Variants in PCDH11X observed in about 807,000 individuals in gnomAD.
PCDH11X encodes protocadherin 11 X-linked, also known as protocadherin-11 X-linked.
Under a neutral mutation model 53.3 loss-of-function variants are expected in PCDH11X, and 18 were observed. The observed-to-expected ratio is 0.34, with a 90% confidence interval of 0.23 to 0.50. PCDH11X has a LOEUF of 0.50. Ranked by LOEUF, PCDH11X falls within the 20% of genes least tolerant of loss-of-function variation. The pLI is 0.98. For missense variants in PCDH11X, 570 were observed against 1,032.4 expected (o/e 0.55, Z 6.14); for synonymous variants, 279 against 393.3 (o/e 0.71, Z 3.44).
intron 8 of PCDH11X, among the ~76,000 whole-genome samples, chrX:92,382,922 A>G (rs910129710): frequency 9.1e-6 from 1 of 109,757 alleles, no homozygotes; most frequent in African/African-American, 3.3e-5. Flanking sequence ...ATACTGCACA[A>G]TAATTATCTT....
At chrX:92,128,642 G>A (rs1199145357) in intron 6 of PCDH11X, among the ~76,000 whole-genome samples, 2 of 109,921 alleles carry the variant, frequency 1.8e-5, no homozygotes, top group African/African-American at 6.7e-5. Flanking sequence ...CAGGTGATCT[G>A]TCTGCCTCGG....
intron 8 of PCDH11X, among the ~76,000 whole-genome samples, chrX:92,345,640 A>G (rs7053374): frequency 0.15 from 16,891 of 110,979 alleles, 1,037 homozygotes; most frequent in African/African-American, 0.22. Context: ...ATAATGTCAG[A>G]AGAAATCTCA....
In PCDH11X at chrX:92,274,233, C is replaced by T. The variant is rs899906025; in HGVS notation, c.3144+11090C>T. 3.6e-5 allele frequency among the ~76,000 whole-genome samples: 4 copies of T among 109,656 alleles called. No homozygotes were observed. In the Admixed American group the frequency reaches 3.9e-4, roughly 11 times the overall value. ...AAGCGAAAGTGGTAAAAGTATTGTCCAGTCCTCTTTAAGTTGGTGGCTGAG... is the reference window on the plus strand; with the variant it reads ...AAGCGAAAGTGGTAAAAGTATTGTCTAGTCCTCTTTAAGTTGGTGGCTGAG... On this transcript the variant is annotated intron_variant, in intron 8 of 10. Transcript: ENST00000682573.
intron 8 of PCDH11X, among the ~76,000 whole-genome samples, chrX:92,340,703 C>A (rs1241851939): frequency 8.9e-6 from 1 of 112,098 alleles, no homozygotes; most frequent in Non-Finnish European, 1.9e-5. Context: ...CACACAAAAC[C>A]ATTCTTTCCC....
chrX:91,808,255 G>A (rs1439007145), intron 1 of PCDH11X, among the ~76,000 whole-genome samples: 4 of 106,389 alleles, frequency 3.8e-5, no homozygotes, highest in Admixed American at 1.0e-4. Flanking sequence ...CCAGCACTTT[G>A]GGAGGCCAAG....
intron 4 of PCDH11X, among the ~76,000 whole-genome samples, chrX:91,813,189 A>G (rs1936344532): frequency 9.0e-6 from 1 of 111,588 alleles, no homozygotes; most frequent in Admixed American, 9.6e-5. Flanking sequence ...AAAATTGACG[A>G]GTAATGGAAT....
chrX:92,383,260 A>T (rs369835442), intron 8 of PCDH11X, among the ~76,000 whole-genome samples: 5 of 109,460 alleles, frequency 4.6e-5, no homozygotes, highest in East Asian at 5.7e-4. Flanking sequence ...CTTCAGTTTA[A>T]TGGTTATAAG....
intron 6 of PCDH11X, among the ~76,000 whole-genome samples, chrX:92,109,944 G>A (rs1490579622): frequency 1.8e-5 from 2 of 112,184 alleles, no homozygotes; most frequent in African/African-American, 3.2e-5. Context: ...TCAAGACTAG[G>A]AAGTTATTTT....
At chrX:92,548,648 G>T (rs2074901964) in intron 10 of PCDH11X, among the ~76,000 whole-genome samples, 1 of 109,735 alleles carries the variant, frequency 9.1e-6, no homozygotes, top group African/African-American at 3.3e-5. Context: ...TTTCCTTTCA[G>T]CCATTTTGCC....
In PCDH11X at chrX:92,540,663, C is replaced by A. The variant is rs181674000; in HGVS notation, c.3367+72341C>A. Among the ~76,000 whole-genome samples the A allele has an allele frequency of 5.9e-3, 628 of 106,253 alleles. 5 individuals are homozygous for A. The highest frequency in any genetic ancestry group is 0.02 in the African/African-American group (590 of 29,036). The allele number at this position is 106,253 out of a possible 115,157, so 92.3% of individuals were successfully genotyped here. A position where few individuals can be genotyped will look rare whatever the true frequency, so the allele number is the denominator to read the frequency against. ...GTAGCCAGCACCGCTGGGAATATGG[C>A]AGGTCACACTTGAAGTCAGTACATC... is the stretch of plus-strand genomic sequence containing the variant. On this transcript the variant is annotated intron_variant, in intron 10 of 10. Transcript: ENST00000682573.
At chrX:91,943,537 T>G (rs1051018801) in intron 6 of PCDH11X, among the ~76,000 whole-genome samples, 1 of 108,652 alleles carries the variant, frequency 9.2e-6, no homozygotes, top group Non-Finnish European at 1.9e-5. Flanking sequence ...TTGACAAAAT[T>G]TATCATCCGG....
chrX:91,885,704 T>C (rs1940166145), intron 6 of PCDH11X, among the ~76,000 whole-genome samples: 1 of 111,491 alleles, frequency 9.0e-6, no homozygotes, highest in African/African-American at 3.3e-5. Context: ...CTCCTTTGTA[T>C]ATATGAAGAT....
Position 91,822,904 on chromosome X carries a change from T to A in PCDH11X, c.-45+11609T>A, listed in dbSNP as rs892600486. Among the ~76,000 whole-genome samples the A allele has an allele frequency of 2.7e-5, 3 of 111,468 alleles. No homozygotes were observed. In the Admixed American group the frequency reaches 2.9e-4, roughly 11 times the overall value. ...GTTCTCATTGGTTTCAAAGAACATC[T>A]TTATTTCTGCCTTGATTTCGTTATG... On this transcript the variant is annotated intron_variant, in intron 4 of 10. Coordinates refer to ENST00000682573, the MANE Select transcript of PCDH11X (RefSeq NM_032968.5).
At chrX:92,500,628 G>T (rs2148694956) in intron 10 of PCDH11X, among the ~76,000 whole-genome samples, 1 of 109,007 alleles carries the variant, frequency 9.2e-6, no homozygotes, top group South Asian at 4.0e-4. Context: ...TGACTCTTGG[G>T]TAAATAATGA....
intron 8 of PCDH11X, among the ~76,000 whole-genome samples, chrX:92,309,792 A>G (rs1178274459): frequency 9.0e-6 from 1 of 111,711 alleles, no homozygotes; most frequent in Non-Finnish European, 1.9e-5. Flanking sequence ...CTAGTGGTGC[A>G]TCTCTCACTG....
At chrX:91,872,409 CTCT>C (rs989447642) in intron 5 of PCDH11X, among the ~76,000 whole-genome samples, 1 of 110,082 alleles carries the variant, frequency 9.1e-6, no homozygotes, top group African/African-American at 3.3e-5. Flanking sequence ...CCAAATTCTG[CTCT>C]TCTTTTATCT....
intron 10 of PCDH11X, among the ~76,000 whole-genome samples, chrX:92,548,198 T>C (rs968703837): frequency 1.8e-4 from 20 of 109,938 alleles, no homozygotes; most frequent in Admixed American, 1.5e-3. Context: ...TTTTGAGACA[T>C]GCTTTCAGTT....
chrX:91,972,962 C>T (rs939429538), intron 6 of PCDH11X, among the ~76,000 whole-genome samples: 1 of 110,854 alleles, frequency 9.0e-6, no homozygotes, highest in Non-Finnish European at 1.9e-5. Context: ...GACTATAAAT[C>T]ATGCTGCTAT....
chrX:92,549,193 A>G (rs1190007453), intron 10 of PCDH11X, among the ~76,000 whole-genome samples: 2 of 105,022 alleles, frequency 1.9e-5, no homozygotes, highest in Non-Finnish European at 3.9e-5. Context: ...GTACATATAC[A>G]TATATAATAT....
Sources: allele counts gnomAD v4.1 joint callset (sites outside exome capture counted in the v4.1 genomes callset), GRCh38; gene constraint gnomAD v4.1.1; transcripts MANE v1.5; gene names NCBI Gene and HGNC (gene_info 2026-07-23, HGNC 2026-07-21).